The following ERG variants were observed in gnomAD, a reference collection of about 807,000 sequenced individuals.
ERG encodes transcriptional regulator ERG.
ERG carries 9 observed loss-of-function variants against 55.3 expected under a neutral mutation model. The ratio of observed to expected loss-of-function variants is 0.16; its 90% confidence interval spans 0.10 to 0.28. ERG has a LOEUF of 0.28. ERG is among the 10% of genes least tolerant of loss of function. The pLI, the probability that ERG is intolerant of heterozygous loss-of-function variation, is 1.00. For synonymous variants in ERG, 223 were observed against 237.3 expected (o/e 0.94, Z 0.55); for missense variants, 434 against 631.6 (o/e 0.69, Z 3.35).
the ERG span, among the ~76,000 whole-genome samples, chr21:38,374,106 CTTA>C: frequency 6.6e-6 from 1 of 152,158 alleles, no homozygotes; most frequent in African/African-American, 2.4e-5. Flanking sequence ...CCCAAAACTG[CTTA>C]TTATTTGAAT....
chr21:38,644,704 T>TG lies in ERG; in HGVS notation c.-150+16953dup, dbSNP rs904852116. Among the ~76,000 whole-genome samples the TG allele has an allele frequency of 2.0e-5, 3 of 150,850 alleles. No individual in the cohort carries two copies. The Admixed American group carries it at 2.1e-4, about 10-fold the overall frequency. On this transcript the variant is annotated intron_variant, in intron 1 of 10. Coordinates refer to the ERG transcript ENST00000398910. ...TCAGGATTATATCAATTAAATATTT[T>TG]GGGGGAAAAAATTGCCATACAAAAA...
chr21:38,379,827 G>C (rs1987343807), downstream of ERG, among the ~76,000 whole-genome samples: 1 of 151,964 alleles, frequency 6.6e-6, no homozygotes, highest in East Asian at 1.9e-4. Context: ...TGAACTCCTG[G>C]GACTGCAGTT....
intron 2 of ERG, among the ~76,000 whole-genome samples, chr21:38,504,125 T>C (rs536706362): frequency 6.6e-6 from 1 of 152,336 alleles, no homozygotes; most frequent in African/African-American, 2.4e-5. Context: ...TTCAACACTT[T>C]CTCTAAGTGG....
At chr21:38,645,566 G>A (rs548913664) in intron 1 of ERG, among the ~76,000 whole-genome samples, 1 of 152,140 alleles carries the variant, frequency 6.6e-6, no homozygotes, top group Non-Finnish European at 1.5e-5. Flanking sequence ...TCTGCGGCTT[G>A]GGCTCCAAAT....
intron 1 of ERG, among the ~76,000 whole-genome samples, chr21:38,475,797 C>T (rs1437052041): frequency 6.6e-6 from 1 of 152,168 alleles, no homozygotes; most frequent in Non-Finnish European, 1.5e-5. Flanking sequence ...CCCTGATTGA[C>T]AGCACTGAGT....
intron 3 of ERG, among the ~76,000 whole-genome samples, chr21:38,415,617 GA>G (rs1684995955): frequency 6.6e-6 from 1 of 152,072 alleles, no homozygotes; most frequent in African/African-American, 2.4e-5. Context: ...ACGTAACAAA[GA>G]AAGATGAAGA....
At chr21:38,410,727 T>C (rs919700232) in intron 3 of ERG, among the ~76,000 whole-genome samples, 4 of 152,236 alleles carry the variant, frequency 2.6e-5, no homozygotes, top group Non-Finnish European at 5.9e-5. Flanking sequence ...AAAGACAAAC[T>C]GTGCCTTTGT....
intron 7 of ERG, 131 bp from the exon 8 acceptor site, chr21:38,391,846 G>A (rs1987986210): frequency 7.7e-6 from 5 of 649,986 alleles, no homozygotes; most frequent in African/African-American, 3.7e-5. Context: ...AGCATCTCAC[G>A]GTAAGGAAAA....
At chr21:38,596,124 C>T (rs1014986385) in intron 1 of ERG, among the ~76,000 whole-genome samples, 16 of 151,718 alleles carry the variant, frequency 1.1e-4, no homozygotes, top group Admixed American at 5.9e-4. Flanking sequence ...AAGCTCATCA[C>T]GAACCCAGTT....
At chr21:38,445,206 A>G (rs2058880103) in intron 2 of ERG, among the ~76,000 whole-genome samples, 198 bp downstream of exon 2, 1 of 144,352 alleles carries the variant, frequency 6.9e-6, no homozygotes, top group Non-Finnish European at 1.5e-5. Flanking sequence ...CAGTGGCATG[A>G]TCCCGGCTCA....
intron 1 of ERG, among the ~76,000 whole-genome samples, chr21:38,468,314 A>G (rs569790260): frequency 6.6e-6 from 1 of 152,358 alleles, no homozygotes; most frequent in South Asian, 2.1e-4. Context: ...AGCTCTGTGC[A>G]ATAGAAAATA....
chr21:38,425,397 A>G (rs1268077531), intron 2 of ERG, among the ~76,000 whole-genome samples: 1 of 152,044 alleles, frequency 6.6e-6, no homozygotes, highest in African/African-American at 2.4e-5. Flanking sequence ...AAAAGAAGAA[A>G]GGAAAGAAAG....
chr21:38,604,951 T>G (rs1398403473), intron 1 of ERG, among the ~76,000 whole-genome samples: 1 of 152,242 alleles, frequency 6.6e-6, no homozygotes, highest in African/African-American at 2.4e-5. Flanking sequence ...TTTTCTTGCT[T>G]GCTTCTTTCT....
intron 1 of ERG, among the ~76,000 whole-genome samples, chr21:38,646,958 T>G (rs1601350865): frequency 1.3e-5 from 2 of 152,206 alleles, no homozygotes; most frequent in South Asian, 2.1e-4. Context: ...AAAGGCAGCC[T>G]CTCCCATCAG....
At chr21:38,466,299 G>A (rs998604318) in intron 1 of ERG, among the ~76,000 whole-genome samples, 1 of 125,800 alleles carries the variant, frequency 7.9e-6, no homozygotes, top group Non-Finnish European at 1.7e-5. Context: ...TGATGGTCTG[G>A]GGTGTGTGTG....
chr21:38,644,729 A>G (rs2060446021), intron 1 of ERG, among the ~76,000 whole-genome samples: 2 of 152,210 alleles, frequency 1.3e-5, no homozygotes, highest in Admixed American at 1.3e-4. Flanking sequence ...CCATACAAAA[A>G]TCATATTAAA....
intron 2 of ERG, among the ~76,000 whole-genome samples, chr21:38,440,116 T>C (rs766125118): frequency 3.3e-5 from 5 of 152,226 alleles, no homozygotes; most frequent in Non-Finnish European, 5.9e-5. Context: ...AACTTCCCCT[T>C]GGACTTGACT....
intron 6 of ERG, among the ~76,000 whole-genome samples, chr21:38,394,042 T>C (rs765681513): frequency 2.6e-5 from 4 of 152,180 alleles, no homozygotes; most frequent in Non-Finnish European, 5.9e-5. Flanking sequence ...TCTCAGTCAG[T>C]TGCATTTTGT....
At chr21:38,387,527 C>T (rs1015804814) in intron 9 of ERG, among the ~76,000 whole-genome samples, 10 of 152,176 alleles carry the variant, frequency 6.6e-5, no homozygotes, top group African/African-American at 1.9e-4. Flanking sequence ...GCCTCAGTAT[C>T]GTCATCTGTA....
Sources: allele counts gnomAD v4.1 joint callset (sites outside exome capture counted in the v4.1 genomes callset), GRCh38; gene constraint gnomAD v4.1.1; transcripts MANE v1.5; gene names NCBI Gene and HGNC (gene_info 2026-07-23, HGNC 2026-07-21).